TNR: variants seen among roughly 807,000 people sequenced by gnomAD.
TNR encodes the protein tenascin R, also known as tenascin-R.
Under a neutral mutation model 150.4 loss-of-function variants are expected in TNR, and 45 were observed. That is an observed-to-expected ratio of 0.30 (90% confidence interval 0.24 to 0.38). The LOEUF (loss-of-function observed/expected upper bound fraction) is 0.38. Among genes scored for constraint, TNR ranks in the 10% least tolerant of loss-of-function variants. The probability of loss-of-function intolerance (pLI) is 1.00; values close to 1 mark genes in which losing one functional copy is unlikely to be tolerated. For synonymous variants in TNR, 687 were observed against 678.4 expected (o/e 1.01, Z -0.20); for missense variants, 1,544 against 1,759.1 (o/e 0.88, Z 2.19).
intron 1 of TNR, among the ~76,000 whole-genome samples, chr1:175,663,614 G>A (rs959448923): frequency 6.6e-6 from 1 of 152,174 alleles, no homozygotes; most frequent in Non-Finnish European, 1.5e-5. Flanking sequence ...AGCCTAAATG[G>A]ATGATTATGA....
At position 175,571,974 on chromosome 1, in the gene TNR, C is replaced by G. The variant is rs1263203103; in HGVS notation, c.-164-43605G>C. On this transcript the variant is annotated intron_variant, in intron 1 of 22. Transcript: ENST00000367674. ...CTCAAGGAAGTAGCCACCAATAAAACAAATAAGGAAACAAACACCCTAGGT... is the reference window on the plus strand; with the variant it reads ...CTCAAGGAAGTAGCCACCAATAAAAGAAATAAGGAAACAAACACCCTAGGT... Among the ~76,000 whole-genome samples, 3 of 152,084 alleles carry G rather than the reference C, an allele frequency of 2.0e-5. No individual in the cohort carries two copies. The East Asian group carries it at 5.8e-4, about 29-fold the overall frequency.
In TNR at chr1:175,393,870, T is replaced by C; in HGVS notation, c.1266A>G (p.Gln422=). 6.2e-7 allele frequency: 1 copy of C among 1,614,166 alleles called. No individual in the cohort carries two copies. Among genetic ancestry groups the C allele is most frequent in the Non-Finnish European group, 8.5e-7 (1 of 1,179,998 alleles). The change falls in exon 6 of 23, where the codon CAA becomes CAG. Residue 422 remains glutamine (Q), a synonymous_variant. Coordinates refer to ENST00000367674, the MANE Select transcript of TNR (RefSeq NM_003285.3). ...ATHLSTPQGL[Q]FKTITETTVE... Reference sequence around the variant, plus strand: ...CGGTGGTCTCTGTGATCGTCTTAAATTGTAGCCCTTGAGGAGTGGAGAGAT... The same window carrying C: ...CGGTGGTCTCTGTGATCGTCTTAAACTGTAGCCCTTGAGGAGTGGAGAGAT...
At chr1:175,428,898 T>C (rs1416027442) in intron 2 of TNR, among the ~76,000 whole-genome samples, 1 of 152,060 alleles carries the variant, frequency 6.6e-6, no homozygotes, top group African/African-American at 2.4e-5. Flanking sequence ...TAGAATCCAT[T>C]CTGCTTTCCC....
At chr1:175,741,311 A>G (rs1667923386) in intron 1 of TNR, among the ~76,000 whole-genome samples, 1 of 152,182 alleles carries the variant, frequency 6.6e-6, no homozygotes, top group Non-Finnish European at 1.5e-5. Flanking sequence ...AATGGGTCCA[A>G]TAATGTCACT....
chr1:175,578,051 C>T (rs546063026), intron 1 of TNR, among the ~76,000 whole-genome samples: 1 of 152,242 alleles, frequency 6.6e-6, no homozygotes, highest in South Asian at 2.1e-4. Flanking sequence ...CAGGGCCTGC[C>T]GTGTGCTGGA....
chr1:175,456,403 T>C (rs1238344749), intron 2 of TNR, among the ~76,000 whole-genome samples: 1 of 152,254 alleles, frequency 6.6e-6, no homozygotes, highest in Non-Finnish European at 1.5e-5. Flanking sequence ...TTTGTTAATA[T>C]TTTTGTGTCC....
chr1:175,463,315 T>C (rs1656898205), intron 2 of TNR, among the ~76,000 whole-genome samples: 1 of 152,230 alleles, frequency 6.6e-6, no homozygotes, highest in Non-Finnish European at 1.5e-5. Flanking sequence ...TTGTTGAGTG[T>C]GCTTTATAAG....
chr1:175,683,961 G>T (rs534026802), intron 1 of TNR, among the ~76,000 whole-genome samples: 1 of 152,336 alleles, frequency 6.6e-6, no homozygotes, highest in South Asian at 2.1e-4. Flanking sequence ...CCAGTCCCAA[G>T]GTGGGAAGGG....
rs1054536109 is a variant in TNR at position 175,599,242 on chromosome 1, G to T, written c.-164-70873C>A. Among the ~76,000 whole-genome samples, 1 of 152,210 alleles carries T rather than the reference G, an allele frequency of 6.6e-6. No homozygotes were observed. Among genetic ancestry groups the T allele is most frequent in the Non-Finnish European group, 1.5e-5 (1 of 68,042 alleles). Reference sequence around the variant, plus strand: ...GTGTCAGCTTGGCCTTGGCCACCTCGGGTCACCGCTCCTCCCTTTCAGGCG... The same window carrying T: ...GTGTCAGCTTGGCCTTGGCCACCTCTGGTCACCGCTCCTCCCTTTCAGGCG... On this transcript the variant is annotated intron_variant, in intron 1 of 22. Transcript: ENST00000367674. This position sits in a 1 kb window ranked among gnomAD's most constrained non-coding sequence, Gnocchi z 4.7.
chr1:175,473,005 T>C (rs77291094), intron 2 of TNR, among the ~76,000 whole-genome samples: 1,679 of 152,316 alleles, frequency 0.011, 23 homozygotes, highest in African/African-American at 0.038. Flanking sequence ...AGGTATTGAA[T>C]GTAGTAGTGA....
intron 1 of TNR, among the ~76,000 whole-genome samples, chr1:175,695,199 C>T (rs1197662785): frequency 6.6e-6 from 1 of 152,166 alleles, no homozygotes; most frequent in Non-Finnish European, 1.5e-5. Flanking sequence ...GGATCCCTTG[C>T]TCTTGGGGAA....
intron 4 of TNR, among the ~76,000 whole-genome samples, chr1:175,399,549 G>A (rs1374878610): frequency 6.6e-6 from 1 of 152,232 alleles, no homozygotes; most frequent in East Asian, 1.9e-4. Flanking sequence ...TGGCTCAATG[G>A]AGGAGACCAC....
chr1:175,380,377 C>T (rs907930688), intron 8 of TNR, among the ~76,000 whole-genome samples: 5 of 152,072 alleles, frequency 3.3e-5, no homozygotes, highest in Admixed American at 6.5e-5. Context: ...CAAATCATAC[C>T]AACATTTTCA....
At chr1:175,462,548 G>T (rs1018351864) in intron 2 of TNR, among the ~76,000 whole-genome samples, 1 of 152,134 alleles carries the variant, frequency 6.6e-6, no homozygotes, top group Non-Finnish European at 1.5e-5. Flanking sequence ...GGCATTCTCC[G>T]GAGTTCTTAT....
At chr1:175,536,967 C>G (rs1487246702) in intron 1 of TNR, among the ~76,000 whole-genome samples, 1 of 152,212 alleles carries the variant, frequency 6.6e-6, no homozygotes, top group Non-Finnish European at 1.5e-5. Context: ...CTAGCCTCCA[C>G]TCTGTCTCTT....
chr1:175,659,365 T>A (rs953826755), intron 1 of TNR, among the ~76,000 whole-genome samples: 2 of 152,146 alleles, frequency 1.3e-5, no homozygotes, highest in African/African-American at 4.8e-5. Context: ...GATGAACATA[T>A]CCCTGGAGCA....
intron 1 of TNR, among the ~76,000 whole-genome samples, chr1:175,652,633 G>A (rs1031188633): frequency 5.9e-5 from 9 of 152,026 alleles, no homozygotes; most frequent in Admixed American, 4.6e-4. Context: ...AAAGTGTATG[G>A]CACTTCCCCG....
chr1:175,498,200 T>C (rs1658572945), intron 2 of TNR, among the ~76,000 whole-genome samples: 1 of 152,200 alleles, frequency 6.6e-6, no homozygotes, highest in African/African-American at 2.4e-5. Context: ...ACCAAAAACT[T>C]GTGCAACCTC....
chr1:175,467,592 T>A (rs534404164), intron 2 of TNR, among the ~76,000 whole-genome samples: 1 of 151,462 alleles, frequency 6.6e-6, no homozygotes, highest in East Asian at 1.9e-4. Context: ...TGGCCACGAG[T>A]TTTTGGAGGT....
Sources: allele counts gnomAD v4.1 joint callset (sites outside exome capture counted in the v4.1 genomes callset), GRCh38; gene constraint gnomAD v4.1.1; non-coding constraint Gnocchi (gnomAD v3.1); transcripts MANE v1.5; gene names NCBI Gene and HGNC (gene_info 2026-07-23, HGNC 2026-07-21).